Variants in MGAT5 observed in about 807,000 individuals in gnomAD.
MGAT5 encodes alpha-1,6-mannosylglycoprotein 6-beta-N-acetylglucosaminyltransferase, also known as alpha-1,6-mannosylglycoprotein 6-beta-N-acetylglucosaminyltransferase A.
A neutral mutation model predicts 94.3 loss-of-function variants in MGAT5; 30 were observed. That is an observed-to-expected ratio of 0.32 (90% CI 0.24 to 0.43). MGAT5 has a LOEUF of 0.43. Among genes scored for constraint, MGAT5 ranks in the 20% least tolerant of loss-of-function variants. The pLI is 1.00. For synonymous variants in MGAT5, 310 were observed against 322.9 expected, an observed-to-expected ratio of 0.96 and a Z score of 0.43; for missense variants, 691 against 905.5, an observed-to-expected ratio of 0.76 and a Z score of 3.04.
At chr2:134,289,969 T>G (rs747105999) in intron 2 of MGAT5, among the ~76,000 whole-genome samples, 4 of 152,228 alleles carry the variant, frequency 2.6e-5, no homozygotes, top group African/African-American at 2.4e-5. Context: ...TTAGTACATA[T>G]TCATGAGTAT....
intron 15 of MGAT5, among the ~76,000 whole-genome samples, chr2:134,446,303 G>A (rs185891584): frequency 1.3e-5 from 2 of 152,112 alleles, no homozygotes; most frequent in East Asian, 1.9e-4. Context: ...CGAGCAGGAG[G>A]GTTTTTCATA....
At chr2:134,271,437 G>T (rs751965935) in intron 2 of MGAT5, among the ~76,000 whole-genome samples, 4 of 152,096 alleles carry the variant, frequency 2.6e-5, no homozygotes, top group Non-Finnish European at 5.9e-5. Context: ...CTGGTTAATA[G>T]ATAAAGTAAG....
intron 9 of MGAT5, among the ~76,000 whole-genome samples, chr2:134,350,713 T>A (rs1679327737): frequency 6.6e-6 from 1 of 152,202 alleles, no homozygotes. Flanking sequence ...CATTTGATAG[T>A]GTTAGTACCA....
intron 15 of MGAT5, among the ~76,000 whole-genome samples, chr2:134,443,162 A>AT (rs1298990925): frequency 2.8e-5 from 4 of 142,156 alleles, no homozygotes; most frequent in Admixed American, 7.4e-5. Context: ...TCTCATGAGT[A>AT]GGGGTGTAAG....
At chr2:134,172,516 A>T (rs186346806) in intron 1 of MGAT5, among the ~76,000 whole-genome samples, 2 of 152,088 alleles carry the variant, frequency 1.3e-5, no homozygotes, top group African/African-American at 4.8e-5. Context: ...CCTCCCAAGT[A>T]GCTGGGACTG....
intron 1 of MGAT5, among the ~76,000 whole-genome samples, chr2:134,159,225 GGTC>G (rs1687618975): frequency 6.7e-6 from 1 of 150,214 alleles, no homozygotes; most frequent in African/African-American, 2.5e-5. Flanking sequence ...GTGTGTGTGT[GGTC>G]CCTGTATTCC....
At chr2:134,365,462 G>A (rs1680365754) in intron 10 of MGAT5, among the ~76,000 whole-genome samples, 1 of 152,216 alleles carries the variant, frequency 6.6e-6, no homozygotes, top group South Asian at 2.1e-4. Flanking sequence ...CTGAGAGTGA[G>A]CCATGTTAAC....
In MGAT5 at chr2:134,317,524, C is replaced by G. The variant is rs772537198; in HGVS notation, c.407-5C>G. The G allele has an allele frequency of 3.2e-6, 5 of 1,551,854 alleles. No homozygotes were observed. The East Asian group carries it at 1.2e-4, about 38-fold the overall frequency. ...GTATCCTTTGTTGTTTTTCATTCTT[C>G]ACAGATATCATTAACGGAGCTCAAG... On this transcript the variant is annotated splice_region_variant and splice_polypyrimidine_tract_variant and intron_variant, in intron 2 of 15. Transcript: ENST00000281923.
chr2:134,362,425 G>A lies in MGAT5; in HGVS notation c.1380+17G>A, dbSNP rs768379418. On this transcript the variant is annotated intron_variant, in intron 10 of 15. Coordinates refer to ENST00000281923, the MANE Select transcript of MGAT5 (RefSeq NM_002410.5). ...TTCTGGAAGGTGAGTCAGTCTGTGCGTGTCTCTCTCTCTGAAAAGAAGCTT... is the reference window on the plus strand; with the variant it reads ...TTCTGGAAGGTGAGTCAGTCTGTGCATGTCTCTCTCTCTGAAAAGAAGCTT... The A allele has an allele frequency of 2.9e-5, 46 of 1,607,550 alleles. No individual in the cohort carries two copies. The highest frequency in any genetic ancestry group is 1.8e-4 in the East Asian group (8 of 44,858).
intron 1 of MGAT5, among the ~76,000 whole-genome samples, chr2:134,225,299 G>A (rs1468553571): frequency 1.3e-5 from 2 of 152,098 alleles, no homozygotes; most frequent in African/African-American, 2.4e-5. Flanking sequence ...CAACACCTGG[G>A]AGCTTGTTAG....
At chr2:134,338,519 G>T in intron 6 of MGAT5, 99 bp downstream of exon 6, 1 of 1,318,976 alleles carries the variant, frequency 7.6e-7, no homozygotes, top group South Asian at 1.5e-5. Flanking sequence ...TATCTCAAAT[G>T]ATATTCTCTC....
At chr2:134,353,696 A>G (rs1341495118) in intron 9 of MGAT5, among the ~76,000 whole-genome samples, 1 of 152,212 alleles carries the variant, frequency 6.6e-6, no homozygotes, top group African/African-American at 2.4e-5. Flanking sequence ...TGAGCGTTAT[A>G]AAACTCCTGA....
chr2:134,430,501 C>T (rs1262701611), intron 14 of MGAT5, among the ~76,000 whole-genome samples: 1 of 152,156 alleles, frequency 6.6e-6, no homozygotes, highest in African/African-American at 2.4e-5. Context: ...ACAGTAACTT[C>T]CAGGTGACAG....
At chr2:134,184,159 A>G (rs1558975077) in intron 1 of MGAT5, among the ~76,000 whole-genome samples, 1 of 152,202 alleles carries the variant, frequency 6.6e-6, no homozygotes, top group East Asian at 1.9e-4. Context: ...GCCTCTGATG[A>G]TGGAGAAATA....
At chr2:134,264,264 G>C (rs1249624095) in intron 1 of MGAT5, among the ~76,000 whole-genome samples, 1 of 151,824 alleles carries the variant, frequency 6.6e-6, no homozygotes, top group Non-Finnish European at 1.5e-5. Flanking sequence ...TCAGGTGATC[G>C]GTCCCCCTCG....
chr2:134,276,115 C>G (rs1364018974), intron 2 of MGAT5, among the ~76,000 whole-genome samples: 1 of 152,038 alleles, frequency 6.6e-6, no homozygotes, highest in Non-Finnish European at 1.5e-5. Flanking sequence ...CAGCTGAGAC[C>G]TAAAGTTCCT....
chr2:134,389,012 C>T (rs1404683531), intron 10 of MGAT5, among the ~76,000 whole-genome samples: 4 of 151,948 alleles, frequency 2.6e-5, no homozygotes, highest in African/African-American at 4.8e-5. Flanking sequence ...CGGCCTGCCT[C>T]GGCCTCCCAA....
chr2:134,141,477 T>C (rs1420495390), intron 1 of MGAT5, among the ~76,000 whole-genome samples: 1 of 116,280 alleles, frequency 8.6e-6, no homozygotes, highest in African/African-American at 3.4e-5. Flanking sequence ...GGTAAGTGGA[T>C]GGATAGATGG....
intron 1 of MGAT5, among the ~76,000 whole-genome samples, chr2:134,208,991 C>G (rs62165726): frequency 6.6e-6 from 1 of 152,160 alleles, no homozygotes; most frequent in East Asian, 1.9e-4. Context: ...TGTTCTGTTA[C>G]ATCAGCATGA....
Sources: allele counts gnomAD v4.1 joint callset (sites outside exome capture counted in the v4.1 genomes callset), GRCh38; gene constraint gnomAD v4.1.1; transcripts MANE v1.5; gene names NCBI Gene and HGNC (gene_info 2026-07-23, HGNC 2026-07-21).